The following STPG2 variants were observed in gnomAD, a reference collection of about 807,000 sequenced individuals.
The protein encoded by STPG2 is sperm tail PG-rich repeat containing 2.
STPG2 carries 56 observed loss-of-function variants against 54.2 expected under a neutral mutation model. The ratio of observed to expected loss-of-function variants is 1.03; its 90% CI spans 0.83 to 1.29. STPG2 has a LOEUF of 1.29. STPG2 is among the 50% of genes most tolerant of loss of function. The pLI, the probability that STPG2 is intolerant of heterozygous loss-of-function variation, is 0.00. For missense variants in STPG2, 596 were observed against 544.9 expected (o/e 1.09, Z -0.93); for synonymous variants, 200 against 181.8 (o/e 1.10, Z -0.81).
intron 9 of STPG2, among the ~76,000 whole-genome samples, chr4:97,802,694 C>G (rs1379570549): frequency 6.6e-6 from 1 of 152,080 alleles, no homozygotes; most frequent in African/African-American, 2.4e-5. Context: ...TGGTCTCAAA[C>G]TCCTGACCTC....
chr4:97,698,197 T>C (rs1264868774), intron 10 of STPG2, among the ~76,000 whole-genome samples: 1 of 152,110 alleles, frequency 6.6e-6, no homozygotes. Flanking sequence ...CAAACCTTCA[T>C]TCCTGAAGGG....
At chr4:98,082,243 G>A (rs778838087) in intron 5 of STPG2, among the ~76,000 whole-genome samples, 7 of 151,786 alleles carry the variant, frequency 4.6e-5, no homozygotes, top group African/African-American at 4.8e-5. Context: ...GATACATCTC[G>A]GTTTAGTCCT....
Position 98,143,101 on chromosome 4 carries a change from G to A in STPG2, c.50C>T (p.Thr17Ile). The stretch of plus-strand genomic sequence containing the variant: ...GGATCCAGGACCCACATGGGCCTCA[G>A]TGCTGCCACCTTCAGCCAATTTGAG... ...RLLKLAEGGS[T>I]EAHVGPGSYQ... Residue 17 changes from threonine to isoleucine, a missense_variant, in exon 1 of 11, where the codon ACT becomes ATT. Transcript: ENST00000295268. 9.9e-6 allele frequency: 16 copies of A among 1,614,020 alleles called. No homozygotes were observed. Among genetic ancestry groups the A allele is most frequent in the Non-Finnish European group, 1.4e-5 (16 of 1,179,974 alleles).
intron 5 of STPG2, among the ~76,000 whole-genome samples, chr4:98,034,044 G>C (rs186311933): frequency 1.2e-4 from 19 of 152,164 alleles, no homozygotes; most frequent in Admixed American, 6.5e-4. Flanking sequence ...ACCGGCATAA[G>C]ATAAAAATGC....
At chr4:97,932,619 T>C (rs1732593022) in intron 8 of STPG2, among the ~76,000 whole-genome samples, 2 of 152,184 alleles carry the variant, frequency 1.3e-5, no homozygotes, top group South Asian at 2.1e-4. Context: ...ATGCAGTGTT[T>C]GGTTTTCTGT....
chr4:98,077,836 G>A (rs936926072), intron 5 of STPG2, among the ~76,000 whole-genome samples: 2 of 152,118 alleles, frequency 1.3e-5, no homozygotes, highest in African/African-American at 2.4e-5. Context: ...TTATTGATGT[G>A]ATCTCCTATT....
chr4:97,779,179 C>A (rs879910271), intron 9 of STPG2, among the ~76,000 whole-genome samples: 11 of 152,088 alleles, frequency 7.2e-5, no homozygotes, highest in African/African-American at 2.4e-4. Context: ...AGCTGAAAAC[C>A]TTGAAACAAG....
intron 5 of STPG2, among the ~76,000 whole-genome samples, chr4:97,995,783 C>T (rs28444809): frequency 0.24 from 37,194 of 152,020 alleles, 5,313 homozygotes; most frequent in Middle Eastern, 0.36. Context: ...ACTGAACCCA[C>T]CAGACATGGT....
chr4:98,056,523 C>A (rs1415992885), intron 5 of STPG2, among the ~76,000 whole-genome samples: 1 of 152,132 alleles, frequency 6.6e-6, no homozygotes, highest in East Asian at 1.9e-4. Flanking sequence ...AGAGTTAGAG[C>A]ACACCATCCA....
At chr4:97,500,891 AT>A (rs1378477606) in intron 4 of STPG2, among the ~76,000 whole-genome samples, 1 of 152,062 alleles carries the variant, frequency 6.6e-6, no homozygotes, top group Non-Finnish European at 1.5e-5. Context: ...GCAACTAACT[AT>A]AGAAAATATT....
intron 9 of STPG2, among the ~76,000 whole-genome samples, chr4:97,830,951 T>C (rs1728436393): frequency 6.6e-6 from 1 of 152,086 alleles, no homozygotes; most frequent in Non-Finnish European, 1.5e-5. Flanking sequence ...ACTGTCAATA[T>C]TACACAGATC....
chr4:97,948,567 T>C (rs1243775560), intron 7 of STPG2, among the ~76,000 whole-genome samples: 1 of 152,112 alleles, frequency 6.6e-6, no homozygotes, highest in Non-Finnish European at 1.5e-5. Flanking sequence ...CAAACATTCC[T>C]CTTAGCACTG....
intron 8 of STPG2, among the ~76,000 whole-genome samples, chr4:97,918,098 T>C (rs776020963): frequency 1.3e-5 from 2 of 152,006 alleles, no homozygotes; most frequent in African/African-American, 2.4e-5. Context: ...TCATGGCAAA[T>C]GTTCCTCAGT....
At chr4:97,780,022 A>AC (rs1344843556) in intron 9 of STPG2, among the ~76,000 whole-genome samples, 1 of 149,468 alleles carries the variant, frequency 6.7e-6, no homozygotes, top group South Asian at 2.2e-4. Context: ...AACTGCATCA[A>AC]TAACGAGCAA....
chr4:97,528,976 C>A (rs573033366), intron 4 of STPG2, among the ~76,000 whole-genome samples: 5 of 152,262 alleles, frequency 3.3e-5, no homozygotes, highest in African/African-American at 1.2e-4. Context: ...CCCTTTATTT[C>A]TTTCTCTTGC....
At chr4:98,045,553 C>T (rs1433437062) in intron 5 of STPG2, among the ~76,000 whole-genome samples, 1 of 152,072 alleles carries the variant, frequency 6.6e-6, no homozygotes, top group African/African-American at 2.4e-5. Context: ...ACTCCCTTGG[C>T]TTTTATTTGC....
chr4:97,773,629 A>G (rs984842403), intron 9 of STPG2, among the ~76,000 whole-genome samples: 8 of 152,188 alleles, frequency 5.3e-5, no homozygotes, highest in Non-Finnish European at 8.8e-5. Flanking sequence ...AAATAAATAG[A>G]AAATATGTTG....
chr4:97,580,106 C>T (rs568590205), intron 10 of STPG2, among the ~76,000 whole-genome samples: 2 of 151,876 alleles, frequency 1.3e-5, no homozygotes, highest in South Asian at 4.2e-4. Flanking sequence ...ACTAATTAAC[C>T]GAAGTCAAAA....
intron 10 of STPG2, among the ~76,000 whole-genome samples, chr4:97,690,120 A>T (rs1363431033): frequency 1.3e-5 from 2 of 152,202 alleles, no homozygotes; most frequent in Admixed American, 6.5e-5. Flanking sequence ...TACAGCTTCC[A>T]ATAATTAAAG....
Sources: allele counts gnomAD v4.1 joint callset (sites outside exome capture counted in the v4.1 genomes callset), GRCh38; gene constraint gnomAD v4.1.1; transcripts MANE v1.5; gene names NCBI Gene and HGNC (gene_info 2026-07-23, HGNC 2026-07-21).